The following STRIP2 variants were observed in gnomAD, a reference collection of about 807,000 sequenced individuals.
The protein encoded by STRIP2 is striatin interacting protein 2.
In STRIP2, 84 loss-of-function variants were observed where a neutral mutation model predicts 107.1. That is an observed-to-expected ratio of 0.78 (90% confidence interval 0.66 to 0.94). STRIP2 has a LOEUF of 0.94. STRIP2 is among the 40% of genes least tolerant of loss of function. STRIP2 has a pLI of 0.00. For synonymous variants in STRIP2, 394 were observed against 400.4 expected (o/e 0.98, Z 0.19); for missense variants, 888 against 1,034.2 (o/e 0.86, Z 1.94).
chr7:129,443,855 G>T (rs1797965628), intron 2 of STRIP2, among the ~76,000 whole-genome samples, 169 bp from the exon 3 acceptor site: 2 of 152,218 alleles, frequency 1.3e-5, no homozygotes, highest in African/African-American at 4.8e-5. Context: ...ATCTCCCAGG[G>T]ACACAAGTGG....
chr7:129,439,642 A>G (rs1442244099), intron 1 of STRIP2, among the ~76,000 whole-genome samples: 1 of 152,170 alleles, frequency 6.6e-6, no homozygotes, highest in Admixed American at 6.5e-5. Flanking sequence ...TGATGACAGA[A>G]CTGAAGCTAG....
intron 18 of STRIP2, among the ~76,000 whole-genome samples, chr7:129,473,785 T>C (rs1414352542): frequency 6.6e-6 from 1 of 152,158 alleles, no homozygotes; most frequent in Non-Finnish European, 1.5e-5. Context: ...TGGCGCCATC[T>C]TGGCTCACTG....
intron 1 of STRIP2, among the ~76,000 whole-genome samples, chr7:129,439,600 G>A (rs1261454616): frequency 6.6e-6 from 1 of 152,146 alleles, no homozygotes; most frequent in Non-Finnish European, 1.5e-5. Context: ...ATGATCCACA[G>A]CATGAGACTT....
chr7:129,457,519 T>TA (rs1306453615), intron 9 of STRIP2, among the ~76,000 whole-genome samples: 3 of 152,220 alleles, frequency 2.0e-5, no homozygotes, highest in Admixed American at 2.0e-4. Flanking sequence ...ACTATGTTCT[T>TA]ACAAACTCCC....
chr7:129,453,379 A>G lies in STRIP2; in HGVS notation c.530+32A>G, dbSNP rs1798251414. ...AGCCTTAGGGGAAGGGCTGGCCTAC[A>G]TAACCCCCATTCCTTAAAGGGGCCT... On this transcript the variant is annotated intron_variant, in intron 5 of 20. Transcript: ENST00000249344. 2.5e-6 allele frequency: 4 copies of G among 1,613,128 alleles called. No individual in the cohort carries two copies. The East Asian group carries it at 8.9e-5, about 36-fold the overall frequency.
At chr7:129,440,267 A>G (rs1006947888) in intron 2 of STRIP2, among the ~76,000 whole-genome samples, 176 bp downstream of exon 2, 1 of 151,936 alleles carries the variant, frequency 6.6e-6, no homozygotes, top group Non-Finnish European at 1.5e-5. Flanking sequence ...TTGTCTTCAC[A>G]TTTCCTTCTG....
At position 129,455,228 on chromosome 7, in the gene STRIP2, C is replaced by T. The variant is rs201924047; in HGVS notation, c.707-16C>T. ...CTCATCCTCACTTTCTCACTCCCCT[C>T]TCTCCTCACCCCTAGGCTTCTCCAT... is the stretch of plus-strand genomic sequence containing the variant. On this transcript the variant is annotated splice_polypyrimidine_tract_variant and intron_variant, in intron 7 of 20. Transcript: ENST00000249344. 540 of 1,601,874 alleles carry T rather than the reference C, an allele frequency of 3.4e-4. No individual in the cohort carries two copies. The highest frequency in any genetic ancestry group is 4.3e-4 in the Non-Finnish European group (500 of 1,175,598).
intron 18 of STRIP2, among the ~76,000 whole-genome samples, chr7:129,472,775 CCTTTTT>C (rs1235082596): frequency 3.2e-4 from 22 of 68,902 alleles, no homozygotes; most frequent in South Asian, 5.7e-4. Context: ...CTTTTCTTTT[CCTTTTT>C]TTTTTTTTTT....
chr7:129,481,806 T>C (rs1799122744), intron 19 of STRIP2, among the ~76,000 whole-genome samples: 1 of 151,970 alleles, frequency 6.6e-6, no homozygotes, highest in African/African-American at 2.4e-5. Flanking sequence ...TTTCAAGATA[T>C]ATTCAATAAA....
chr7:129,444,676 A>G (rs1050946300), intron 3 of STRIP2, among the ~76,000 whole-genome samples: 1 of 152,156 alleles, frequency 6.6e-6, no homozygotes, highest in African/African-American at 2.4e-5. Flanking sequence ...GAACTCATAC[A>G]CATCTCCTGA....
chr7:129,476,692 T>A (rs898809033), intron 18 of STRIP2, among the ~76,000 whole-genome samples: 7 of 140,060 alleles, frequency 5.0e-5, no homozygotes, highest in African/African-American at 1.6e-4. Context: ...CTTCCCAGAC[T>A]GGGCAGCCGG....
intron 2 of STRIP2, among the ~76,000 whole-genome samples, chr7:129,440,893 AT>A (rs1254088468): frequency 1.3e-5 from 2 of 152,200 alleles, no homozygotes; most frequent in Non-Finnish European, 2.9e-5. Flanking sequence ...GAGACAAACA[AT>A]TTTAAAGACG....
rs780669081 is a variant in STRIP2, at chr7:129,470,673, C to T, written c.1902C>T (p.Cys634=). The change falls in exon 18 of 21, where the codon TGC becomes TGT. Residue 634 remains cysteine, a synonymous_variant. Transcript: ENST00000249344. ...KNSISVLDYP[C]CTIQDLPELT... ...GCATCTCAGTCCTGGATTATCCTTG[C>T]TGTACCATCCAGGATTTGCCGGAGC... The T allele has an allele frequency of 3.7e-6, 6 of 1,613,946 alleles. No individual in the cohort carries two copies. In the South Asian group the frequency reaches 5.5e-5, roughly 15 times the overall value.
intron 16 of STRIP2, among the ~76,000 whole-genome samples, chr7:129,465,555 A>C (rs1259388304): frequency 6.6e-6 from 1 of 152,186 alleles, no homozygotes; most frequent in Non-Finnish European, 1.5e-5. Flanking sequence ...ATTACTGGGC[A>C]CCTATCCTGT....
chr7:129,443,685 G>T (rs966077873), intron 2 of STRIP2, among the ~76,000 whole-genome samples: 3 of 152,218 alleles, frequency 2.0e-5, no homozygotes, highest in African/African-American at 7.2e-5. Flanking sequence ...GATAGTTCCT[G>T]GTTGGGTTGA....
Position 129,453,346 on chromosome 7 carries a change from G to C in STRIP2, c.529G>C (p.Asp177His). 1 of 1,614,102 alleles carries C rather than the reference G, an allele frequency of 6.2e-7. No homozygotes were observed. Among genetic ancestry groups the C allele is most frequent in the Non-Finnish European group, 8.5e-7 (1 of 1,179,994 alleles). The change falls in exon 5 of 21, where the codon GAC becomes CAC. Residue 177 changes from aspartate (D) to histidine (H), a missense_variant and splice_region_variant. Transcript: ENST00000249344. ...TFLELLHMEI[D>H]NSQACSSALR... Reference sequence around the variant, plus strand: ...CCTGGAGCTACTCCACATGGAAATTGAGTGAGAAGCCTTAGGGGAAGGGCT... The same window carrying C: ...CCTGGAGCTACTCCACATGGAAATTCAGTGAGAAGCCTTAGGGGAAGGGCT...
intron 5 of STRIP2, 21 bp from the exon 6 acceptor site, chr7:129,454,121 C>A: frequency 6.2e-7 from 1 of 1,612,428 alleles, no homozygotes; most frequent in Non-Finnish European, 8.5e-7. Flanking sequence ...CATTCCTGTT[C>A]TTTTTCTCCT....
intron 17 of STRIP2, 101 bp from the exon 18 acceptor site, chr7:129,470,548 T>C (rs924964792): frequency 1.0e-6 from 1 of 961,168 alleles, no homozygotes; most frequent in Non-Finnish European, 1.7e-6. Context: ...GGGAAATGGA[T>C]AGGGGCTGCT....
intron 9 of STRIP2, among the ~76,000 whole-genome samples, chr7:129,457,787 T>C (rs1798406723): frequency 6.6e-6 from 1 of 152,226 alleles, no homozygotes; most frequent in South Asian, 2.1e-4. Flanking sequence ...TGTCACAAGA[T>C]TTAAAATTCC....
Sources: gnomAD v4.1 joint callset for allele counts (sites outside exome capture counted in the v4.1 genomes callset) on GRCh38, gnomAD v4.1.1 for gene constraint, MANE v1.5 for transcripts, NCBI Gene and HGNC (gene_info 2026-07-23, HGNC 2026-07-21) for gene names.